The following ATXN7L1 variants were observed in gnomAD, a reference collection of about 807,000 sequenced individuals.
ATXN7L1 encodes ataxin-7-like protein 1.
A neutral mutation model predicts 70.8 loss-of-function variants in ATXN7L1; 15 were observed. That is an observed-to-expected ratio of 0.21 (90% CI 0.14 to 0.33). The LOEUF (loss-of-function observed/expected upper bound fraction) is 0.33. Among genes scored for constraint, ATXN7L1 ranks in the 10% least tolerant of loss-of-function variants. ATXN7L1 has a pLI of 1.00. For missense variants in ATXN7L1, 975 were observed against 1,097.1 expected, an observed-to-expected ratio of 0.89 and a Z score of 1.57; for synonymous variants, 440 against 445.1, an observed-to-expected ratio of 0.99 and a Z score of 0.14.
intron 3 of ATXN7L1, among the ~76,000 whole-genome samples, chr7:105,725,294 T>G (rs558775661): frequency 6.6e-6 from 1 of 152,206 alleles, no homozygotes; most frequent in Non-Finnish European, 1.5e-5. Context: ...AAAACAATAA[T>G]AGGTGGAAGC....
At chr7:105,628,904 A>G (rs1796159738) in intron 7 of ATXN7L1, among the ~76,000 whole-genome samples, 1 of 151,960 alleles carries the variant, frequency 6.6e-6, no homozygotes, top group Admixed American at 6.5e-5. Flanking sequence ...TGATTACCAC[A>G]AGTTAGCTAA....
intron 2 of ATXN7L1, among the ~76,000 whole-genome samples, chr7:105,827,951 G>A (rs1469270205): frequency 2.0e-5 from 3 of 152,174 alleles, no homozygotes; most frequent in African/African-American, 4.8e-5. Flanking sequence ...ATAGTCATAT[G>A]TCAGTTCAGG....
intron 3 of ATXN7L1, among the ~76,000 whole-genome samples, chr7:105,744,093 C>T (rs985028811): frequency 1.3e-5 from 2 of 152,208 alleles, no homozygotes; most frequent in African/African-American, 4.8e-5. Context: ...CTCAGTTTTC[C>T]CATTTGTTAA....
intron 2 of ATXN7L1, among the ~76,000 whole-genome samples, chr7:105,814,184 T>C (rs1230473582): frequency 1.3e-5 from 2 of 152,214 alleles, no homozygotes; most frequent in African/African-American, 4.8e-5. Context: ...GACCATCCAG[T>C]GTTTTCTCTT....
chr7:105,734,821 AG>A (rs1797203573), intron 3 of ATXN7L1, among the ~76,000 whole-genome samples: 2 of 135,294 alleles, frequency 1.5e-5, no homozygotes, highest in Non-Finnish European at 3.1e-5. Context: ...AGAGAGAGAG[AG>A]TGAGAGAGAA....
At chr7:105,876,024 C>T (rs1015051761) in intron 1 of ATXN7L1, 144 bp from the exon 2 acceptor site, 2 of 834,070 alleles carry the variant, frequency 2.4e-6, no homozygotes, top group African/African-American at 3.4e-5. Context: ...ATTGACAATG[C>T]AACATTTTCT....
In ATXN7L1 at chr7:105,812,959, G is replaced by A. The variant is rs115926346; in HGVS notation, c.251-24251C>T. ...CAAGGCTGCAGTTGGCTGTGATTGCGCCCCTGTACTCCAGCCTGGGTGACA... is the reference window on the plus strand; with the variant it reads ...CAAGGCTGCAGTTGGCTGTGATTGCACCCCTGTACTCCAGCCTGGGTGACA... On this transcript the variant is annotated intron_variant, in intron 2 of 11. Transcript: ENST00000419735. Among the ~76,000 whole-genome samples, 1,340 of 152,170 alleles carry A rather than the reference G, an allele frequency of 8.8e-3. 11 individuals carry two copies. The highest frequency in any genetic ancestry group is 0.022 in the African/African-American group (934 of 41,530).
At chr7:105,784,696 A>G (rs1225659395) in intron 3 of ATXN7L1, among the ~76,000 whole-genome samples, 1 of 152,180 alleles carries the variant, frequency 6.6e-6, no homozygotes, top group Non-Finnish European at 1.5e-5. Flanking sequence ...CAGTCACATC[A>G]TCCCAGCAAC....
chr7:105,708,187 G>A (rs1033281419), intron 3 of ATXN7L1, among the ~76,000 whole-genome samples: 1 of 152,182 alleles, frequency 6.6e-6, no homozygotes, highest in Non-Finnish European at 1.5e-5. Context: ...TGTGGACCCA[G>A]AGGCCTGCGT....
At chr7:105,721,586 C>T (rs768060521) in intron 3 of ATXN7L1, among the ~76,000 whole-genome samples, 1 of 152,220 alleles carries the variant, frequency 6.6e-6, no homozygotes, top group Non-Finnish European at 1.5e-5. Context: ...GGGCTCTGGT[C>T]GGGGACAAGG....
chr7:105,757,392 A>G (rs1034439385), intron 3 of ATXN7L1, among the ~76,000 whole-genome samples: 2 of 152,164 alleles, frequency 1.3e-5, no homozygotes, highest in African/African-American at 2.4e-5. Context: ...TCTTGCTTTT[A>G]TAGTATAGAT....
At chr7:105,639,121 C>G (rs1037728747) in intron 6 of ATXN7L1, among the ~76,000 whole-genome samples, 1 of 152,184 alleles carries the variant, frequency 6.6e-6, no homozygotes, top group African/African-American at 2.4e-5. Flanking sequence ...TCATCCTCCC[C>G]TCCAGGGCTG....
rs1483107357 is a variant in ATXN7L1, at chr7:105,733,501, TCCTTCCATCCATCCAC to T, written c.355+55087_355+55102del. Reference sequence around the variant, plus strand: ...GGAGGTCCATCCATCCACCCATCCATCCTTCCATCCATCCACCCATCCATCCATCCATCCATCCACC... The same window carrying T: ...GGAGGTCCATCCATCCACCCATCCATCCATCCATCCATCCATCCATCCACC... On this transcript the variant is annotated intron_variant, in intron 3 of 11. Coordinates refer to ENST00000419735, the MANE Select transcript of ATXN7L1 (RefSeq NM_020725.2). Among the ~76,000 whole-genome samples the T allele has an allele frequency of 6.9e-3, 559 of 80,782 alleles. 32 individuals carry two copies. The highest frequency in any genetic ancestry group is 0.02 in the African/African-American group (319 of 15,668). The allele number at this position is 80,782 out of a possible 152,430, so 53.0% of individuals were successfully genotyped here.
At position 105,606,311 on chromosome 7, in the gene ATXN7L1, C is replaced by T. The variant is rs903456346; in HGVS notation, c.*1541G>A. 2.0e-5 allele frequency: 3 copies of T among 152,174 alleles called. No individual in the cohort carries two copies. The highest frequency in any genetic ancestry group is 1.3e-4 in the Admixed American group (2 of 15,274). 9.4% of individuals were successfully genotyped at this position (152,174 alleles called of 1,614,324 possible). Reference sequence around the variant, plus strand: ...GATGAAAATCACTCCATTTGCCTCCCGTCTTTGCAATTCCAATTGTGTGGT... The same window carrying T: ...GATGAAAATCACTCCATTTGCCTCCTGTCTTTGCAATTCCAATTGTGTGGT... On this transcript the variant is annotated 3_prime_UTR_variant, in exon 12 of 12. Transcript: ENST00000419735.
At position 105,644,821 on chromosome 7, in the gene ATXN7L1, A is replaced by G. The variant is rs1388432571; in HGVS notation, c.579-1700T>C. Among the ~76,000 whole-genome samples the G allele has an allele frequency of 2.0e-5, 3 of 152,214 alleles. No homozygotes were observed. The East Asian group carries it at 5.8e-4, about 29-fold the overall frequency. On this transcript the variant is annotated intron_variant, in intron 4 of 11. Coordinates refer to ENST00000419735, the MANE Select transcript of ATXN7L1 (RefSeq NM_020725.2). ...CAGGGTCCTGAAGAGAGATCTGTAC[A>G]CCCATGTTCATAGCAGCGTTATTCA...
intron 2 of ATXN7L1, among the ~76,000 whole-genome samples, chr7:105,799,152 C>T (rs1198734998): frequency 1.3e-5 from 2 of 152,218 alleles, no homozygotes; most frequent in Non-Finnish European, 2.9e-5. Context: ...ATAAAGAAGC[C>T]CTCCTGCGGT....
intron 3 of ATXN7L1, chr7:105,691,658 T>TAAAA (rs34303034): frequency 3.6e-5 from 4 of 110,940 alleles, no homozygotes; most frequent in African/African-American, 3.5e-5. Flanking sequence ...CGGATGTCAG[T>TAAAA]AAAAAAAAAA....
chr7:105,874,943 C>T (rs1317153436), intron 2 of ATXN7L1: 3 of 152,206 alleles, frequency 2.0e-5, no homozygotes, highest in Non-Finnish European at 2.9e-5. Context: ...GTGCCATCTT[C>T]CCACCCCCAA....
At chr7:105,733,674 C>T (rs1416417447) in intron 3 of ATXN7L1, among the ~76,000 whole-genome samples, 1 of 126,776 alleles carries the variant, frequency 7.9e-6, no homozygotes. Context: ...ATCCATCCAT[C>T]CATCCACCCA....
Sources: allele counts gnomAD v4.1 joint callset (sites outside exome capture counted in the v4.1 genomes callset), GRCh38; gene constraint gnomAD v4.1.1; transcripts MANE v1.5; gene names NCBI Gene and HGNC (gene_info 2026-07-23, HGNC 2026-07-21).